Variants in SAP130 observed in about 807,000 individuals in gnomAD.
SAP130 encodes Sin3A associated protein 130, also known as histone deacetylase complex subunit SAP130.
SAP130 carries 16 observed loss-of-function variants against 103.2 expected under a neutral mutation model. That is an observed-to-expected ratio of 0.16 (90% CI 0.10 to 0.24). The LOEUF is 0.24. SAP130 is among the 10% of genes least tolerant of loss of function. The pLI is 1.00. For missense variants in SAP130, 990 were observed against 1,359.7 expected (o/e 0.73, Z 4.28); for synonymous variants, 477 against 497.0 (o/e 0.96, Z 0.53).
chr2:127,997,300 T>A (rs1019903096), intron 10 of SAP130, among the ~76,000 whole-genome samples: 7 of 152,334 alleles, frequency 4.6e-5, no homozygotes, highest in Admixed American at 2.0e-4. Context: ...CTATTAACAG[T>A]ATGCCTGGGA....
rs1007349705 is a variant in SAP130, at chr2:127,946,750, G to A, written c.2798-1191C>T. On this transcript the variant is annotated intron_variant, in intron 18 of 20. Transcript: ENST00000643581. ...ATACAAAAAATTAGCGGGGTGTGGT[G>A]GTGGGCGCCTATAATCCCAGCTACT... 4.6e-5 allele frequency among the ~76,000 whole-genome samples: 7 copies of A among 151,352 alleles called. No homozygotes were observed. In the East Asian group the frequency reaches 1.4e-3, roughly 29 times the overall value.
intron 2 of SAP130, among the ~76,000 whole-genome samples, chr2:128,019,717 C>CT: frequency 6.6e-6 from 1 of 152,080 alleles, no homozygotes; most frequent in East Asian, 1.9e-4. Context: ...GAAACCCTGT[C>CT]TCTACTAAAA....
rs372656499 is a variant in SAP130 at position 127,942,015 on chromosome 2, T to C, written c.3165A>G (p.Glu1055=). The C allele has an allele frequency of 3.8e-6, 6 of 1,566,130 alleles. No homozygotes were observed. Among genetic ancestry groups the C allele is most frequent in the Non-Finnish European group, 5.2e-6 (6 of 1,155,136 alleles). Residue 1055 remains glutamate (E), a synonymous_variant, in exon 21 of 21, where the codon GAA becomes GAG. Transcript: ENST00000643581. This position sits in a 1 kb window ranked among gnomAD's most constrained non-coding sequence, Gnocchi z 4.8. ...VKKVSKLKRK[E]KV Reference sequence around the variant, plus strand: ...CCTGATTGTTCTGGGTCTAGACTTTTTCCTTTCGCTTCAATTTGGACACTT... The same window carrying C: ...CCTGATTGTTCTGGGTCTAGACTTTCTCCTTTCGCTTCAATTTGGACACTT...
At position 127,942,413 on chromosome 2, in the gene SAP130, C is replaced by A. The variant is rs144984234; in HGVS notation, c.3015+11G>T. The A allele has an allele frequency of 2.6e-6, 4 of 1,564,718 alleles. No homozygotes were observed. In the African/African-American group the frequency reaches 4.1e-5, roughly 16 times the overall value. On this transcript the variant is annotated intron_variant, in intron 20 of 20. Transcript: ENST00000643581. This position sits in a 1 kb window ranked among gnomAD's most constrained non-coding sequence, Gnocchi z 4.8. Reference sequence around the variant, plus strand: ...AAGTAGATGATCAGAAGGGAAGGGGCGCACTCAAACCTGTATCAGTTCGTT... The same window carrying A: ...AAGTAGATGATCAGAAGGGAAGGGGAGCACTCAAACCTGTATCAGTTCGTT...
Position 127,942,211 on chromosome 2 carries a change from T to C in SAP130, c.3016-47A>G. 2.0e-6 allele frequency: 3 copies of C among 1,529,110 alleles called. No individual in the cohort carries two copies. The highest frequency in any genetic ancestry group is 2.6e-6 in the Non-Finnish European group (3 of 1,134,706). 94.7% of individuals were successfully genotyped at this position (1,529,110 alleles called of 1,614,324 possible). ...CATCAATCAGTGACCATGAGGATAG[T>C]ACAGCTTTTAAAAAACTGCTTGCCT... is the stretch of plus-strand genomic sequence containing the variant. On this transcript the variant is annotated intron_variant, in intron 20 of 20. Coordinates refer to ENST00000643581, the MANE Select transcript of SAP130 (RefSeq NM_001330301.2). This position sits in a 1 kb window ranked among gnomAD's most constrained non-coding sequence, Gnocchi z 4.8.
At chr2:127,950,133 T>A in intron 17 of SAP130, 27 bp downstream of exon 17, 5 of 1,613,744 alleles carry the variant, frequency 3.1e-6, no homozygotes, top group Non-Finnish European at 4.2e-6. Context: ...GGAAGCATCA[T>A]AACACAAGTC....
intron 15 of SAP130, among the ~76,000 whole-genome samples, chr2:127,961,178 TAG>T (rs1680222294): frequency 6.6e-6 from 1 of 151,768 alleles, no homozygotes; most frequent in Admixed American, 6.6e-5. Flanking sequence ...TTTGTAGAGA[TAG>T]AGTTTCGCCA....
Position 127,978,019 on chromosome 2 carries a change from T to G in SAP130, c.2029A>C (p.Met677Leu), listed in dbSNP as rs914007302. The change falls in exon 15 of 21, where the codon ATG (methionine) becomes CTG (leucine). Residue 677 changes from methionine to leucine, a missense_variant. Met to Leu is a conservative substitution (Grantham distance 15). This residue lies in a region of SAP130 where 349 missense variants were observed against 384.1 expected (regional missense o/e 0.91). Coordinates refer to ENST00000643581, the MANE Select transcript of SAP130 (RefSeq NM_001330301.2). ...CTAGGTGACCCAGACGTACTCCGCA[T>G]AGAGCTTTCCACTCGAGGACTAGCA... is the stretch of plus-strand genomic sequence containing the variant. ...DVASPRVESS[M>L]RSTSGSPRPA... The G allele has an allele frequency of 1.3e-6, 2 of 1,551,936 alleles. No individual in the cohort carries two copies. Among genetic ancestry groups the G allele is most frequent in the Non-Finnish European group, 1.7e-6 (2 of 1,147,058 alleles).
intron 16 of SAP130, among the ~76,000 whole-genome samples, chr2:127,952,865 C>T (rs1321958154): frequency 6.6e-6 from 1 of 152,198 alleles, no homozygotes; most frequent in East Asian, 1.9e-4. Flanking sequence ...GATAGCACAA[C>T]ACCATCCTAA....
At position 127,954,991 on chromosome 2, in the gene SAP130, A is replaced by G. The variant is rs369175662; in HGVS notation, c.2417T>C (p.Val806Ala). ...EVEPMDIMRPVSAVPPLATNT... is the reference protein window; with the variant it reads ...EVEPMDIMRPASAVPPLATNT... ...TATTCTATGGACGGACTTACCAGAA[A>G]CTGGCCTCATGATATCCATTGGTTC... is the stretch of plus-strand genomic sequence containing the variant. Residue 806 changes from valine to alanine, a missense_variant, in exon 16 of 21, where the codon GTT becomes GCT. Around this residue, in one of 6 missense-constraint regions of SAP130, gnomAD observed 349 missense variants for 384.1 expected, o/e 0.91. Coordinates refer to ENST00000643581, the MANE Select transcript of SAP130 (RefSeq NM_001330301.2). 6.2e-7 allele frequency: 1 copy of G among 1,602,752 alleles called. No homozygotes were observed. Among genetic ancestry groups the G allele is most frequent in the African/African-American group, 1.3e-5 (1 of 74,786 alleles).
At chr2:127,945,035 G>A (rs1401738563) in intron 19 of SAP130, among the ~76,000 whole-genome samples, 2 of 152,092 alleles carry the variant, frequency 1.3e-5, no homozygotes, top group Admixed American at 6.6e-5. Flanking sequence ...GGGAACTGGA[G>A]CCTACTACTC....
At chr2:127,943,600 G>A (rs1315472650) in intron 19 of SAP130, among the ~76,000 whole-genome samples, 5 of 152,198 alleles carry the variant, frequency 3.3e-5, no homozygotes, top group Non-Finnish European at 1.5e-5. Context: ...CTGAAACACA[G>A]TGTTAAGTAT....
At chr2:127,995,902 C>T (rs896248554) in intron 11 of SAP130, among the ~76,000 whole-genome samples, 1 of 152,048 alleles carries the variant, frequency 6.6e-6, no homozygotes, top group Non-Finnish European at 1.5e-5. Flanking sequence ...GAAGAAACAA[C>T]GTGACAGTAC....
chr2:128,027,206 C>T, intron 1 of SAP130: 1 of 1,215,794 alleles, frequency 8.2e-7, no homozygotes, highest in East Asian at 3.4e-5. Context: ...GGAGGGATCG[C>T]GGCGGCGGCG....
intron 7 of SAP130, among the ~76,000 whole-genome samples, chr2:128,006,743 G>A (rs929633109): frequency 3.3e-5 from 5 of 152,244 alleles, no homozygotes; most frequent in African/African-American, 1.2e-4. Context: ...TCAAGCCACT[G>A]TTCTCCAACC....
At chr2:128,000,585 C>T in intron 7 of SAP130, 131 bp from the exon 8 acceptor site, 1 of 1,003,124 alleles carries the variant, frequency 1.0e-6, no homozygotes, top group South Asian at 1.6e-5. Flanking sequence ...GGTCTTTAAT[C>T]ACACCAATGT....
intron 2 of SAP130, among the ~76,000 whole-genome samples, chr2:128,025,520 G>A (rs1479133372): frequency 2.0e-5 from 3 of 152,084 alleles, no homozygotes; most frequent in African/African-American, 7.2e-5. Context: ...AAATATTCAG[G>A]GGGGGAAAAA....
chr2:127,987,234 G>T (rs1373652332), intron 13 of SAP130, among the ~76,000 whole-genome samples: 1 of 152,144 alleles, frequency 6.6e-6, no homozygotes, highest in Admixed American at 6.5e-5. Context: ...GCCCAGGCTG[G>T]AATACAGTGG....
chr2:128,013,201 T>C (rs1684526375), intron 5 of SAP130, 47 bp from the exon 6 acceptor site: 2 of 1,515,332 alleles, frequency 1.3e-6, no homozygotes, highest in South Asian at 1.3e-5. Flanking sequence ...TTATATTCCC[T>C]GGGAAAATAA....
Sources: allele counts gnomAD v4.1 joint callset (sites outside exome capture counted in the v4.1 genomes callset), GRCh38; gene constraint gnomAD v4.1.1; regional missense constraint gnomAD v4.1.1; non-coding constraint Gnocchi (gnomAD v3.1); transcripts MANE v1.5; gene names NCBI Gene and HGNC (gene_info 2026-07-23, HGNC 2026-07-21).